EXD2: variants seen among roughly 807,000 people sequenced by gnomAD.
EXD2 encodes the protein exonuclease 3'-5' domain containing 2, also known as exonuclease 3'-5' domain-containing protein 2.
A neutral mutation model predicts 62.5 loss-of-function variants in EXD2; 40 were observed. The observed-to-expected ratio is 0.64, with a 90% CI of 0.50 to 0.83. The LOEUF (loss-of-function observed/expected upper bound fraction) is 0.83. Ranked by LOEUF, EXD2 falls within the 40% of genes least tolerant of loss-of-function variation. The probability of loss-of-function intolerance (pLI) is 0.00; values close to 1 mark genes in which losing one functional copy is unlikely to be tolerated. For missense variants in EXD2, 671 were observed against 761.8 expected, an observed-to-expected ratio of 0.88 and a Z score of 1.40; for synonymous variants, 239 against 291.9, an observed-to-expected ratio of 0.82 and a Z score of 1.85.
rs1051933120 is a variant in EXD2 at position 69,242,723 on chromosome 14, C to G, written c.*1623C>G. 1 of 152,178 alleles carries G rather than the reference C, an allele frequency of 6.6e-6. No homozygotes were observed. Among genetic ancestry groups the G allele is most frequent in the South Asian group, 2.1e-4 (1 of 4,820 alleles). 9.4% of individuals were successfully genotyped at this position (152,178 alleles called of 1,614,324 possible). ...GCGGAGCCCAGGAGTGGAGGAGAGC[C>G]GTGGAAATAGACAGGGAGAGGCTGG... is the stretch of plus-strand genomic sequence containing the variant. On this transcript the variant is annotated 3_prime_UTR_variant, in exon 10 of 10. Transcript: ENST00000685843.
chr14:69,209,825 A>T (rs958297225), intron 3 of EXD2, 22 bp downstream of exon 3: 382 of 180,062 alleles, frequency 2.1e-3, no homozygotes, highest in Middle Eastern at 4.1e-3. Context: ...AGCAAAAGTT[A>T]AAAAAAAAAA....
intron 2 of EXD2, among the ~76,000 whole-genome samples, chr14:69,204,460 A>C (rs1314074524): frequency 2.0e-5 from 3 of 152,020 alleles, no homozygotes; most frequent in Non-Finnish European, 4.4e-5. Context: ...ACCCCCAGCT[A>C]CTCAGGAGGC....
intron 3 of EXD2, among the ~76,000 whole-genome samples, chr14:69,220,251 C>CTGT (rs2043123936): frequency 1.5e-4 from 9 of 60,604 alleles, no homozygotes; most frequent in Admixed American, 2.2e-4. Context: ...TTTTGTCTCT[C>CTGT]TGTTTTTTTT....
chr14:69,194,815 C>A (rs1465248014), intron 1 of EXD2, among the ~76,000 whole-genome samples: 1 of 152,166 alleles, frequency 6.6e-6, no homozygotes, highest in Non-Finnish European at 1.5e-5. Flanking sequence ...TATTGGAAGT[C>A]ATATACTATA....
chr14:69,197,063 ATGTCTATTCAGTTAGCTGGACT>A (rs2042231700), intron 1 of EXD2, among the ~76,000 whole-genome samples: 1 of 152,128 alleles, frequency 6.6e-6, no homozygotes, highest in Non-Finnish European at 1.5e-5. Context: ...CTATCAGGAA[ATGTCTATTCAGTTAGCTGGACT>A]TGTCTGTTCA....
At position 69,240,957 on chromosome 14, in the gene EXD2, C is replaced by T; in HGVS notation, c.1723C>T (p.Leu575Phe). ...TCACAGCCAGGGTGGCCTGCGCTCCCTCATGCAGCTGGAGAGCCGCTGGCG... is the reference window on the plus strand; with the variant it reads ...TCACAGCCAGGGTGGCCTGCGCTCCTTCATGCAGCTGGAGAGCCGCTGGCG... ...QCHSQGGLRS[L>F]MQLESRWRQH... Residue 575 changes from leucine (L) to phenylalanine (F), a missense_variant, in exon 10 of 10, where the codon CTC becomes TTC. Transcript: ENST00000685843. 1 of 1,613,570 alleles carries T rather than the reference C, an allele frequency of 6.2e-7. No individual in the cohort carries two copies. Among genetic ancestry groups the T allele is most frequent in the Non-Finnish European group, 8.5e-7 (1 of 1,180,032 alleles).
At chr14:69,218,487 A>C (rs555955879) in intron 3 of EXD2, among the ~76,000 whole-genome samples, 22 of 151,942 alleles carry the variant, frequency 1.4e-4, no homozygotes, top group Admixed American at 1.0e-3. Context: ...TTGCCTGTTC[A>C]CTCTGATGGT....
At chr14:69,236,233 G>A in intron 7 of EXD2, 81 bp downstream of exon 7, 2 of 1,505,302 alleles carry the variant, frequency 1.3e-6, no homozygotes, top group South Asian at 1.1e-5. Context: ...ATAAGGAAGA[G>A]GGAGGGATAG....
At chr14:69,240,176 G>T (rs1053072259) in intron 9 of EXD2, among the ~76,000 whole-genome samples, 8 of 152,146 alleles carry the variant, frequency 5.3e-5, no homozygotes, top group African/African-American at 1.9e-4. Context: ...AGTGTGTGTG[G>T]GCAGGGTGCT....
At chr14:69,232,905 C>T (rs2043636446) in intron 5 of EXD2, among the ~76,000 whole-genome samples, 2 of 152,138 alleles carry the variant, frequency 1.3e-5, no homozygotes, top group Admixed American at 1.3e-4. Context: ...AAAATCTCTT[C>T]CTTTAATTGC....
chr14:69,210,732 C>T (rs994535669), intron 3 of EXD2, among the ~76,000 whole-genome samples: 2 of 151,992 alleles, frequency 1.3e-5, no homozygotes, highest in African/African-American at 4.8e-5. Flanking sequence ...ATTGCTTGAG[C>T]CCAGGAGGTT....
chr14:69,237,780 C>A lies in EXD2; in HGVS notation c.1498C>A (p.Arg500=). The change falls in exon 9 of 10, where the codon CGG becomes AGG. Residue 500 remains arginine (R), a synonymous_variant. Coordinates refer to ENST00000685843, the MANE Select transcript of EXD2 (RefSeq NM_001193360.2). ...GLRLLEDPER[R]QVRSGARALL... is the part of the protein sequence containing the mutation. Reference sequence around the variant, plus strand: ...GCGCCTGCTGGAAGATCCTGAGCGCCGGCAGGTGCGTTCTGGGGCCAGGGC... The same window carrying A: ...GCGCCTGCTGGAAGATCCTGAGCGCAGGCAGGTGCGTTCTGGGGCCAGGGC... 6.2e-7 allele frequency: 1 copy of A among 1,613,566 alleles called. No individual in the cohort carries two copies. The highest frequency in any genetic ancestry group is 1.1e-5 in the South Asian group (1 of 91,004).
At chr14:69,221,910 A>G (rs997240313) in intron 3 of EXD2, among the ~76,000 whole-genome samples, 1 of 13,202 alleles carries the variant, frequency 7.6e-5, no homozygotes, top group Non-Finnish European at 2.2e-4. Context: ...TGTCTCTACT[A>G]AAAAAAAAAA....
chr14:69,240,348 CTG>C (rs2043940364), intron 9 of EXD2, among the ~76,000 whole-genome samples: 2 of 152,330 alleles, frequency 1.3e-5, no homozygotes, highest in Admixed American at 1.3e-4. Flanking sequence ...AAGCATTTCA[CTG>C]TGACCGAAAC....
At chr14:69,219,471 CTT>C (rs1394804656) in intron 3 of EXD2, among the ~76,000 whole-genome samples, 2 of 152,142 alleles carry the variant, frequency 1.3e-5, no homozygotes, top group Non-Finnish European at 2.9e-5. Context: ...GCAGCTATCT[CTT>C]TGACATACTA....
chr14:69,195,573 T>C (rs2042177526), intron 1 of EXD2, among the ~76,000 whole-genome samples: 1 of 152,142 alleles, frequency 6.6e-6, no homozygotes, highest in Non-Finnish European at 1.5e-5. Context: ...AATTTAATGA[T>C]TTTAGTATAT....
At chr14:69,216,439 C>G (rs1034322085) in intron 3 of EXD2, among the ~76,000 whole-genome samples, 3 of 152,048 alleles carry the variant, frequency 2.0e-5, no homozygotes, top group African/African-American at 7.2e-5. Flanking sequence ...TCTACATTTT[C>G]TTTTTTGTGA....
intron 1 of EXD2, among the ~76,000 whole-genome samples, chr14:69,198,691 T>G (rs957075113): frequency 6.6e-6 from 1 of 152,248 alleles, no homozygotes; most frequent in African/African-American, 2.4e-5. Context: ...CAAGGTGAAC[T>G]GTAGTAATGG....
intron 3 of EXD2, among the ~76,000 whole-genome samples, chr14:69,213,084 CTT>C (rs71102636): frequency 5.5e-5 from 7 of 126,574 alleles, no homozygotes; most frequent in Middle Eastern, 4.2e-3. Flanking sequence ...TTCTTCTTTT[CTT>C]TTTTTTTTTT....
Sources: gnomAD v4.1 joint callset for allele counts (sites outside exome capture counted in the v4.1 genomes callset) on GRCh38, gnomAD v4.1.1 for gene constraint, MANE v1.5 for transcripts, NCBI Gene and HGNC (gene_info 2026-07-23, HGNC 2026-07-21) for gene names.